LUC7L2: variants seen among roughly 807,000 people sequenced by gnomAD.
LUC7L2 encodes LUC7 like 2, pre-mRNA splicing factor, also known as putative RNA-binding protein Luc7-like 2.
In LUC7L2, 25 loss-of-function variants were observed where a neutral mutation model predicts 52.8. The observed-to-expected ratio is 0.47, with a 90% CI of 0.34 to 0.66. The LOEUF (loss-of-function observed/expected upper bound fraction) is 0.66. Ranked by LOEUF, LUC7L2 falls within the 30% of genes least tolerant of loss-of-function variation. The pLI, the probability that LUC7L2 is intolerant of heterozygous loss-of-function variation, is 0.01. For missense variants in LUC7L2, 328 were observed against 497.8 expected (o/e 0.66, Z 3.25); for synonymous variants, 144 against 160.9 (o/e 0.89, Z 0.80).
chr7:139,369,060 A>G (rs886859335), intron 1 of LUC7L2, among the ~76,000 whole-genome samples: 4 of 151,854 alleles, frequency 2.6e-5, no homozygotes, highest in African/African-American at 9.7e-5. Flanking sequence ...AGCTATCACC[A>G]GCTGATGAGA....
intron 2 of LUC7L2, among the ~76,000 whole-genome samples, chr7:139,391,434 TTAACA>T (rs1794444008): frequency 6.6e-6 from 1 of 152,240 alleles, no homozygotes; most frequent in Admixed American, 6.5e-5. Flanking sequence ...TATATATTCA[TTAACA>T]TATTACTACT....
chr7:139,355,115 TCTCC>T (rs1799571489), upstream of LUC7L2, among the ~76,000 whole-genome samples: 1 of 66,100 alleles, frequency 1.5e-5, no homozygotes, highest in African/African-American at 4.2e-4. Flanking sequence ...CCTGCGTAGA[TCTCC>T]CAAAGTGTGG....
In LUC7L2 at chr7:139,360,179, C is replaced by T. The variant is rs957869195; in HGVS notation, c.-83C>T. The stretch of plus-strand genomic sequence containing the variant: ...GCCACCGAGACAGCAGCGCACCTTC[C>T]CCCATCCCTTCCCCTTATCCCCCAG... On this transcript the variant is annotated 5_prime_UTR_variant, in exon 1 of 10. Coordinates refer to ENST00000354926, the MANE Select transcript of LUC7L2 (RefSeq NM_016019.5). 2.8e-6 allele frequency: 3 copies of T among 1,072,844 alleles called. No homozygotes were observed. Among genetic ancestry groups the T allele is most frequent in the East Asian group, 2.7e-5 (1 of 36,792 alleles). 66.5% of individuals were successfully genotyped at this position (1,072,844 alleles called of 1,614,324 possible).
At chr7:139,350,892 T>C (rs534276730) in intron 1 of LUC7L2, among the ~76,000 whole-genome samples, 35 of 152,212 alleles carry the variant, frequency 2.3e-4, no homozygotes, top group African/African-American at 6.3e-4. Context: ...GCCAGGCTGG[T>C]CTCCGACTAC....
rs1260578307 is a variant in LUC7L2 at position 139,352,742 on chromosome 7, A to G, written c.-26+12225A>G. 3.9e-5 allele frequency among the ~76,000 whole-genome samples: 6 copies of G among 152,252 alleles called. No individual in the cohort carries two copies. The South Asian group carries it at 6.2e-4, about 16-fold the overall frequency. ...TTAGAGATACAAATATGAACATGTG[A>G]TAAGAACAAGATGTTCACATACTAG... On this transcript the variant is annotated intron_variant, in intron 1 of 10. Coordinates refer to the LUC7L2 transcript ENST00000541170.
chr7:139,413,874 G>C (rs1265048611), intron 8 of LUC7L2, among the ~76,000 whole-genome samples: 1 of 152,030 alleles, frequency 6.6e-6, no homozygotes, highest in African/African-American at 2.4e-5. Context: ...TTAATAAGTG[G>C]GGCCAGTTGT....
upstream of LUC7L2, among the ~76,000 whole-genome samples, chr7:139,356,995 A>ACCTGGTCGG (rs1311699666): frequency 2.4e-4 from 37 of 152,352 alleles, no homozygotes; most frequent in African/African-American, 8.4e-4. Context: ...ACAAGAGCAT[A>ACCTGGTCGG]TAACTTGGGA....
At chr7:139,362,822 A>C (rs975059722) in intron 1 of LUC7L2, among the ~76,000 whole-genome samples, 9 of 151,620 alleles carry the variant, frequency 5.9e-5, no homozygotes, top group Admixed American at 5.3e-4. Context: ...CCTTCCTGAC[A>C]GTTTTTAATT....
intron 2 of LUC7L2, among the ~76,000 whole-genome samples, chr7:139,379,345 A>G (rs1268940080): frequency 6.7e-6 from 1 of 150,126 alleles, no homozygotes; most frequent in Admixed American, 6.6e-5. Context: ...CAAAGGAAAA[A>G]AGTATCCAGA....
chr7:139,343,481 T>G (rs1799100625), intron 1 of LUC7L2, among the ~76,000 whole-genome samples: 1 of 151,942 alleles, frequency 6.6e-6, no homozygotes, highest in South Asian at 2.1e-4. Context: ...GAAGCTGAGG[T>G]GAGAGGATCA....
At chr7:139,345,639 G>C (rs778165261) in intron 1 of LUC7L2, 6 of 1,614,082 alleles carry the variant, frequency 3.7e-6, no homozygotes, top group Non-Finnish European at 5.1e-6. Flanking sequence ...CTCGGTGGAG[G>C]AGTCTGCTGG....
chr7:139,422,229 C>G lies in LUC7L2; in HGVS notation c.1068C>G (p.Asp356Glu), dbSNP rs1260912003. Residue 356 changes from aspartate to glutamate, a missense_variant, in exon 10 of 10, where the codon GAC becomes GAG. Asp to Glu is a conservative substitution (Grantham distance 45, BLOSUM62 2). Around this residue, in one of 2 missense-constraint regions of LUC7L2, gnomAD observed 195 missense variants for 223.3 expected, o/e 0.87. Transcript: ENST00000354926. ...ASCDRDRSSRDRSPRDRDRKD... is the reference protein window; with the variant it reads ...ASCDRDRSSRERSPRDRDRKD... Reference sequence around the variant, plus strand: ...GTGACAGAGACAGGAGTTCAAGAGACAGATCACCTCGTGACAGAGATCGGA... The same window carrying G: ...GTGACAGAGACAGGAGTTCAAGAGAGAGATCACCTCGTGACAGAGATCGGA... The G allele has an allele frequency of 3.7e-6, 6 of 1,614,034 alleles. No homozygotes were observed. Among genetic ancestry groups the G allele is most frequent in the East Asian group, 2.2e-5 (1 of 44,896 alleles).
At chr7:139,372,513 T>C (rs1417680490) in intron 1 of LUC7L2, among the ~76,000 whole-genome samples, 1 of 152,186 alleles carries the variant, frequency 6.6e-6, no homozygotes, top group African/African-American at 2.4e-5. Flanking sequence ...TGGCTACTTA[T>C]TGCATGAAGC....
At chr7:139,416,040 A>AATATATATATATATATATATAT (rs66498771) in intron 8 of LUC7L2, 1 of 97,744 alleles carries the variant, frequency 1.0e-5, no homozygotes. Context: ...TGAGGTATAA[A>AATATATATATATATATATATAT]ATATATATAT....
intron 1 of LUC7L2, among the ~76,000 whole-genome samples, chr7:139,366,367 T>G (rs1800153116): frequency 6.6e-6 from 1 of 152,214 alleles, no homozygotes; most frequent in Non-Finnish European, 1.5e-5. Flanking sequence ...ACCCCAGTTT[T>G]CTCTTTTAGA....
chr7:139,359,832 T>G (rs1263902774), upstream of LUC7L2: 8 of 406,624 alleles, frequency 2.0e-5, no homozygotes, highest in Non-Finnish European at 3.5e-5. Flanking sequence ...GGCGGAGTGA[T>G]ACAGCTGGAC....
At chr7:139,386,256 C>T (rs1794186719) in intron 2 of LUC7L2, among the ~76,000 whole-genome samples, 1 of 152,150 alleles carries the variant, frequency 6.6e-6, no homozygotes, top group Admixed American at 6.6e-5. Context: ...CCTGCCTTGA[C>T]CTCTCAAAGT....
chr7:139,341,416 T>C (rs747925343), intron 1 of LUC7L2: 1 of 1,613,514 alleles, frequency 6.2e-7, no homozygotes, highest in Non-Finnish European at 8.5e-7. Flanking sequence ...TCGCACACTT[T>C]TCGAGGACTT....
intron 1 of LUC7L2, among the ~76,000 whole-genome samples, chr7:139,351,123 G>A (rs1585063647): frequency 6.6e-6 from 1 of 152,238 alleles, no homozygotes; most frequent in South Asian, 2.1e-4. Context: ...CCACTTTCAT[G>A]ACTTCAATTA....
Sources: gnomAD v4.1 joint callset for allele counts (sites outside exome capture counted in the v4.1 genomes callset) on GRCh38, gnomAD v4.1.1 for gene constraint, gnomAD v4.1.1 regional missense constraint, MANE v1.5 for transcripts, NCBI Gene and HGNC (gene_info 2026-07-23, HGNC 2026-07-21) for gene names.